The following DNMBP variants were observed in gnomAD, a reference collection of about 807,000 sequenced individuals.
DNMBP encodes dynamin-binding protein.
In DNMBP, 87 loss-of-function variants were observed where a neutral mutation model predicts 150.0. The ratio of observed to expected loss-of-function variants is 0.58; its 90% CI spans 0.49 to 0.69. The LOEUF (loss-of-function observed/expected upper bound fraction) is 0.69. Ranked by LOEUF, DNMBP falls within the 30% of genes least tolerant of loss-of-function variation. The probability of loss-of-function intolerance (pLI) is 0.00; values close to 1 mark genes in which losing one functional copy is unlikely to be tolerated. For missense variants in DNMBP, 1,774 were observed against 1,949.0 expected (o/e 0.91, Z 1.69); for synonymous variants, 711 against 750.4 (o/e 0.95, Z 0.86).
At chr10:99,908,827 C>CAG in intron 5 of DNMBP, 126 bp downstream of exon 5, 1 of 858,262 alleles carries the variant, frequency 1.2e-6, no homozygotes, top group East Asian at 2.5e-5. Context: ...TTAAGAGCAG[C>CAG]AGCACTCACA....
At chr10:99,962,058 G>A (rs922070345) in intron 3 of DNMBP, among the ~76,000 whole-genome samples, 6 of 151,056 alleles carry the variant, frequency 4.0e-5, no homozygotes, top group African/African-American at 1.5e-4. Context: ...CTGAAACCTA[G>A]GCTTGCTTCT....
intron 1 of DNMBP, among the ~76,000 whole-genome samples, chr10:99,993,808 A>T (rs1251080318): frequency 1.3e-5 from 2 of 152,194 alleles, no homozygotes; most frequent in East Asian, 3.8e-4. Context: ...GTCTTTAAAA[A>T]AACTGTGAAG....
intron 2 of DNMBP, among the ~76,000 whole-genome samples, chr10:99,969,797 C>T (rs1384577118): frequency 1.3e-5 from 2 of 152,140 alleles, no homozygotes; most frequent in Non-Finnish European, 1.5e-5. Flanking sequence ...GTATATTTAT[C>T]TCCAGACCCA....
chr10:99,943,142 G>A (rs1004353778), intron 4 of DNMBP, among the ~76,000 whole-genome samples: 1 of 152,010 alleles, frequency 6.6e-6, no homozygotes, highest in Admixed American at 6.6e-5. Flanking sequence ...AAAATTAGCT[G>A]GGCATGGTGG....
intron 1 of DNMBP, among the ~76,000 whole-genome samples, chr10:99,973,577 A>G (rs892293573): frequency 6.6e-6 from 1 of 152,238 alleles, no homozygotes; most frequent in Non-Finnish European, 1.5e-5. Context: ...CAGCAGGGCC[A>G]GAACTCAAAC....
chr10:99,954,453 T>C (rs552078007), intron 4 of DNMBP, among the ~76,000 whole-genome samples: 4 of 151,548 alleles, frequency 2.6e-5, no homozygotes, highest in East Asian at 3.9e-4. Context: ...AATAAGAAAT[T>C]AGGTAGTGAG....
intron 4 of DNMBP, among the ~76,000 whole-genome samples, chr10:99,953,525 AT>A (rs1428566006): frequency 6.6e-6 from 1 of 152,030 alleles, no homozygotes; most frequent in Non-Finnish European, 1.5e-5. Flanking sequence ...AATGTTAGCT[AT>A]TACTATTATT....
At chr10:99,898,888 G>C (rs2039698474) in intron 7 of DNMBP, 128 bp from the exon 8 acceptor site, 1 of 967,204 alleles carries the variant, frequency 1.0e-6, no homozygotes, top group African/African-American at 1.6e-5. Context: ...AACATATTTA[G>C]TCTACTAAAA....
intron 3 of DNMBP, among the ~76,000 whole-genome samples, chr10:99,958,703 T>C (rs1369055003): frequency 6.6e-6 from 1 of 152,260 alleles, no homozygotes; most frequent in African/African-American, 2.4e-5. Context: ...TCACATTGTA[T>C]GTTGAAATGG....
rs1328671735 is a variant in DNMBP at position 99,909,123 on chromosome 10, A to T, written c.2284T>A (p.Ser762Thr). The T allele has an allele frequency of 6.2e-7, 1 of 1,613,938 alleles. No homozygotes were observed. The highest frequency in any genetic ancestry group is 2.2e-5 in the East Asian group (1 of 44,886). ...CCAGAAGGGGCCACCAGTGATGAAG[A>T]CTGGGAGGAGAGGAGCGTCATTTCT... is the stretch of plus-strand genomic sequence containing the variant. ...LREMTLLSSQ[S>T]SSLVAPSGSV... is the part of the protein sequence containing the mutation. The change falls in exon 5 of 17, where the codon TCT becomes ACT. Residue 762 changes from serine to threonine, a missense_variant. By Grantham distance (58) the Ser-to-Thr change is moderately conservative (BLOSUM62 1). Around this residue, in one of 2 missense-constraint regions of DNMBP, gnomAD observed 1,430 missense variants for 1,492.5 expected, o/e 0.96. Coordinates refer to ENST00000324109, the MANE Select transcript of DNMBP (RefSeq NM_015221.4).
chr10:99,908,311 T>G (rs1222342374), intron 5 of DNMBP, among the ~76,000 whole-genome samples: 1 of 152,200 alleles, frequency 6.6e-6, no homozygotes, highest in Non-Finnish European at 1.5e-5. Context: ...AACCAGCACT[T>G]TAGTAAAGTG....
intron 4 of DNMBP, among the ~76,000 whole-genome samples, chr10:99,925,232 T>A (rs1378294946): frequency 1.3e-5 from 2 of 152,156 alleles, no homozygotes; most frequent in African/African-American, 4.8e-5. Flanking sequence ...TGCCTTCAAA[T>A]GTGGTAATGC....
chr10:99,880,266 ACT>A lies in DNMBP; in HGVS notation c.4091_4092del (p.Glu1364ValfsTer2), dbSNP rs2039345869. On this transcript the variant is annotated frameshift_variant, in exon 16 of 17. Coordinates refer to ENST00000324109, the MANE Select transcript of DNMBP (RefSeq NM_015221.4). LOFTEE classifies it high-confidence loss of function. The part of the protein sequence containing the change: ...DASVGSHSST[E>X]SEHGSSSPRF... ...CTGGGGGAGGAGCTGCCGTGCTCAGACTCTGTGGAGGAGTGGCTACCCACGGA... is the reference window on the plus strand; with the variant it reads ...CTGGGGGAGGAGCTGCCGTGCTCAGACTGTGGAGGAGTGGCTACCCACGGA... The A allele has an allele frequency of 6.2e-7, 1 of 1,613,746 alleles. No homozygotes were observed. The highest frequency in any genetic ancestry group is 8.5e-7 in the Non-Finnish European group (1 of 1,179,964).
chr10:99,993,454 A>G (rs1271137280), intron 1 of DNMBP, among the ~76,000 whole-genome samples: 1 of 152,146 alleles, frequency 6.6e-6, no homozygotes, highest in Non-Finnish European at 1.5e-5. Context: ...TTGTATCTCA[A>G]TTTTTAAAAG....
intron 4 of DNMBP, among the ~76,000 whole-genome samples, chr10:99,923,776 C>T (rs1394004618): frequency 6.6e-6 from 1 of 152,088 alleles, no homozygotes; most frequent in African/African-American, 2.4e-5. Context: ...TTGCTTCTCT[C>T]TGCCTATCCC....
intron 6 of DNMBP, 111 bp from the exon 7 acceptor site, chr10:99,900,177 G>T: frequency 3.0e-6 from 3 of 1,006,594 alleles, no homozygotes; most frequent in Non-Finnish European, 4.5e-6. Flanking sequence ...CCTATTACAA[G>T]AAATGATACT....
intron 4 of DNMBP, among the ~76,000 whole-genome samples, chr10:99,910,685 G>A (rs2039888236): frequency 6.6e-6 from 1 of 152,218 alleles, no homozygotes; most frequent in South Asian, 2.1e-4. Context: ...CCTGAAATGT[G>A]GGAGAAAGTG....
chr10:99,909,676 G>A (rs1259681393), intron 4 of DNMBP, among the ~76,000 whole-genome samples: 1 of 152,152 alleles, frequency 6.6e-6, no homozygotes, highest in African/African-American at 2.4e-5. Context: ...CACTGTAATG[G>A]TAGGTCAACA....
intron 1 of DNMBP, among the ~76,000 whole-genome samples, chr10:100,009,077 G>A (rs767001007): frequency 2.0e-5 from 3 of 152,218 alleles, no homozygotes; most frequent in Non-Finnish European, 4.4e-5. Context: ...CAGAATAAGT[G>A]AGTGCCAAAA....
Sources: allele counts gnomAD v4.1 joint callset (sites outside exome capture counted in the v4.1 genomes callset), GRCh38; gene constraint gnomAD v4.1.1; regional missense constraint gnomAD v4.1.1; transcripts MANE v1.5; gene names NCBI Gene and HGNC (gene_info 2026-07-23, HGNC 2026-07-21).